The following KCTD8 variants were observed in gnomAD, a reference collection of about 807,000 sequenced individuals.
KCTD8 encodes BTB/POZ domain-containing protein KCTD8.
A neutral mutation model predicts 31.5 loss-of-function variants in KCTD8; 27 were observed. That is an observed-to-expected ratio of 0.86 (90% CI 0.63 to 1.18). KCTD8 has a LOEUF of 1.18. Among genes scored for constraint, KCTD8 ranks in the 50% most tolerant of loss-of-function variants. The pLI, the probability that KCTD8 is intolerant of heterozygous loss-of-function variation, is 0.00. For synonymous variants in KCTD8, 290 were observed against 280.0 expected, an observed-to-expected ratio of 1.04 and a Z score of -0.36; for missense variants, 658 against 647.7, an observed-to-expected ratio of 1.02 and a Z score of -0.17.
intron 1 of KCTD8, among the ~76,000 whole-genome samples, chr4:44,286,509 C>T (rs191472490): frequency 1.3e-5 from 2 of 152,186 alleles, no homozygotes; most frequent in South Asian, 2.1e-4. Context: ...CCAGCACTAC[C>T]ACCACCTTGT....
chr4:44,179,697 C>G (rs972799858), intron 1 of KCTD8, among the ~76,000 whole-genome samples: 3 of 151,288 alleles, frequency 2.0e-5, no homozygotes, highest in Admixed American at 2.0e-4. Flanking sequence ...AATATGACTG[C>G]TCTTTGTATA....
At chr4:44,245,955 TTAAA>T (rs1271898809) in intron 1 of KCTD8, among the ~76,000 whole-genome samples, 1 of 152,078 alleles carries the variant, frequency 6.6e-6, no homozygotes, top group Non-Finnish European at 1.5e-5. Context: ...CATAGTTTCT[TTAAA>T]TAGTGATAGT....
At chr4:44,178,012 A>C (rs1282212839) in intron 1 of KCTD8, among the ~76,000 whole-genome samples, 1 of 152,142 alleles carries the variant, frequency 6.6e-6, no homozygotes, top group East Asian at 1.9e-4. Flanking sequence ...TTTTAGTGGC[A>C]CCAGATTTAT....
At chr4:44,326,695 T>C (rs1041512745) in intron 1 of KCTD8, among the ~76,000 whole-genome samples, 7 of 151,908 alleles carry the variant, frequency 4.6e-5, no homozygotes, top group African/African-American at 1.5e-4. Flanking sequence ...GTACTACATA[T>C]GTCCATGAGT....
At chr4:44,289,247 A>G (rs1717197614) in intron 1 of KCTD8, among the ~76,000 whole-genome samples, 1 of 151,314 alleles carries the variant, frequency 6.6e-6, no homozygotes, top group African/African-American at 2.4e-5. Context: ...AAAATGCTAT[A>G]CTATTAATAT....
chr4:44,306,124 C>A (rs2109395850), intron 1 of KCTD8, among the ~76,000 whole-genome samples: 1 of 151,728 alleles, frequency 6.6e-6, no homozygotes, highest in Admixed American at 6.6e-5. Context: ...TAGACAATGA[C>A]ACAAGAACAA....
chr4:44,350,359 A>T (rs1224031881), intron 1 of KCTD8, among the ~76,000 whole-genome samples: 10 of 152,180 alleles, frequency 6.6e-5, no homozygotes, highest in African/African-American at 2.2e-4. Context: ...TAGAACTAAA[A>T]CTAAAAACAA....
At chr4:44,383,449 T>C (rs887373826) in intron 1 of KCTD8, among the ~76,000 whole-genome samples, 2 of 152,044 alleles carry the variant, frequency 1.3e-5, no homozygotes, top group Non-Finnish European at 2.9e-5. Context: ...ACCAGCATGG[T>C]ACTGGCATAG....
chr4:44,447,747 G>A lies in KCTD8; in HGVS notation c.777C>T (p.Asp259=). ...GGGACGTGTACTTCTCCGGCTGCCGGTCGGGGTCGCGGCTCTCGTTGAGCG... is the reference window on the plus strand; with the variant it reads ...GGGACGTGTACTTCTCCGGCTGCCGATCGGGGTCGCGGCTCTCGTTGAGCG... ...GDTLNESRDP[D]RQPEKYTSRF... Residue 259 remains aspartate, a synonymous_variant, in exon 1 of 2, where the codon GAC becomes GAT. Transcript: ENST00000360029. 1.2e-6 allele frequency: 2 copies of A among 1,612,168 alleles called. No individual in the cohort carries two copies. Among genetic ancestry groups the A allele is most frequent in the Non-Finnish European group, 1.7e-6 (2 of 1,179,240 alleles).
rs999674727 is a variant in KCTD8 at position 44,300,190 on chromosome 4, T to A, written c.962-124940A>T. Among the ~76,000 whole-genome samples the A allele has an allele frequency of 2.6e-5, 4 of 152,266 alleles. No individual in the cohort carries two copies. The East Asian group carries it at 7.7e-4, about 29-fold the overall frequency. ...ATAACTAAGTCTACACACTTATGAG[T>A]AAATTAGAACAGATTAAAGCCCTCC... On this transcript the variant is annotated intron_variant, in intron 1 of 1. Transcript: ENST00000360029.
At chr4:44,393,718 T>C (rs1436339708) in intron 1 of KCTD8, among the ~76,000 whole-genome samples, 1 of 151,860 alleles carries the variant, frequency 6.6e-6, no homozygotes, top group Non-Finnish European at 1.5e-5. Context: ...TAAATGATAG[T>C]AATAAATGGT....
intron 1 of KCTD8, among the ~76,000 whole-genome samples, chr4:44,271,428 T>A (rs572831999): frequency 3.3e-5 from 5 of 152,274 alleles, no homozygotes; most frequent in Admixed American, 3.3e-4. Context: ...CTCAGACTTC[T>A]AGTGTTCAAA....
chr4:44,401,940 G>C (rs1254583147), intron 1 of KCTD8, among the ~76,000 whole-genome samples: 2 of 152,096 alleles, frequency 1.3e-5, no homozygotes, highest in Non-Finnish European at 2.9e-5. Context: ...TTTACACAAA[G>C]AGCCACAAAG....
intron 1 of KCTD8, among the ~76,000 whole-genome samples, chr4:44,225,813 CTCT>C: frequency 8.3e-6 from 1 of 120,410 alleles, no homozygotes; most frequent in African/African-American, 3.2e-5. Context: ...TAGGTTTTGT[CTCT>C]TTTTTTTTTT....
chr4:44,238,151 A>T (rs28391000), intron 1 of KCTD8, among the ~76,000 whole-genome samples: 37,374 of 151,822 alleles, frequency 0.25, 4,751 homozygotes, highest in South Asian at 0.32. Context: ...CCCTCCTGCC[A>T]CAGGACCTTT....
intron 1 of KCTD8, among the ~76,000 whole-genome samples, chr4:44,304,412 C>T (rs1388008905): frequency 2.6e-5 from 4 of 152,168 alleles, no homozygotes; most frequent in Admixed American, 6.5e-5. Context: ...TCTACCACTT[C>T]AAGCATCACT....
Position 44,214,291 on chromosome 4 carries a change from G to A in KCTD8, c.962-39041C>T, listed in dbSNP as rs573424613. Among the ~76,000 whole-genome samples the A allele has an allele frequency of 7.9e-5, 12 of 152,138 alleles. No homozygotes were observed. The South Asian group carries it at 2.5e-3, about 32-fold the overall frequency. ...CCAAAGGAGCTAGGAGGATAGAGGG[G>A]GAAAATATTTGTTTCTCCCCTACAC... On this transcript the variant is annotated intron_variant, in intron 1 of 1. Transcript: ENST00000360029.
Position 44,447,689 on chromosome 4 carries a change from C to T in KCTD8, c.835G>A (p.Ala279Thr), listed in dbSNP as rs1560457427. 1.2e-6 allele frequency: 2 copies of T among 1,612,574 alleles called. No individual in the cohort carries two copies. The highest frequency in any genetic ancestry group is 1.7e-6 in the Non-Finnish European group (2 of 1,179,422). ...CCGGCCTCGGACAGGCGATCAAAGG[C>T]CTGCTCCAAGTAGGTGAACTTGAGG... Reference protein sequence around the residue: ...FYLKFTYLEQAFDRLSEAGFH... With the variant: ...FYLKFTYLEQTFDRLSEAGFH... Residue 279 changes from alanine to threonine, a missense_variant, in exon 1 of 2, where the codon GCC becomes ACC. By Grantham distance (58) the Ala-to-Thr change is moderately conservative. Transcript: ENST00000360029.
At chr4:44,426,080 A>C (rs1721338021) in intron 1 of KCTD8, among the ~76,000 whole-genome samples, 1 of 146,392 alleles carries the variant, frequency 6.8e-6, no homozygotes, top group Non-Finnish European at 1.5e-5. Context: ...CTAAAAAGGA[A>C]AGAAAAATTA....
Sources: allele counts gnomAD v4.1 joint callset (sites outside exome capture counted in the v4.1 genomes callset), GRCh38; gene constraint gnomAD v4.1.1; transcripts MANE v1.5; gene names NCBI Gene and HGNC (gene_info 2026-07-23, HGNC 2026-07-21).